RYR2: variants seen among roughly 807,000 people sequenced by gnomAD.
RYR2 encodes the protein cardiac muscle ryanodine receptor-calcium release channel.
Under a neutral mutation model 601.1 loss-of-function variants are expected in RYR2, and 227 were observed. The observed-to-expected ratio is 0.38, with a 90% CI of 0.34 to 0.42. RYR2 has a LOEUF of 0.42. Among genes scored for constraint, RYR2 ranks in the 10% least tolerant of loss-of-function variants. The pLI is 1.00. For missense variants in RYR2, 4,646 were observed against 6,156.5 expected, an observed-to-expected ratio of 0.75 and a Z score of 8.21; for synonymous variants, 2,223 against 2,175.1, an observed-to-expected ratio of 1.02 and a Z score of -0.61.
intron 1 of RYR2, among the ~76,000 whole-genome samples, chr1:237,151,108 A>T (rs967556039): frequency 6.6e-6 from 1 of 152,178 alleles, no homozygotes; most frequent in Non-Finnish European, 1.5e-5. Context: ...TGGTGCTGTT[A>T]GGAAAATAGT....
chr1:237,501,788 T>G (rs2150482823), intron 21 of RYR2, among the ~76,000 whole-genome samples: 1 of 152,334 alleles, frequency 6.6e-6, no homozygotes, highest in African/African-American at 2.4e-5. Flanking sequence ...ATTTTTATTT[T>G]TCCTCACTTT....
intron 66 of RYR2, 31 bp downstream of exon 66, chr1:237,702,090 A>G: frequency 8.4e-7 from 1 of 1,196,090 alleles, no homozygotes. Context: ...ACTTTGTATT[A>G]ATTGCTGCTT....
intron 1 of RYR2, among the ~76,000 whole-genome samples, chr1:237,150,499 T>C (rs1002934744): frequency 6.6e-6 from 1 of 152,130 alleles, no homozygotes. Flanking sequence ...GGAAAGCCCC[T>C]GAAGACAGAT....
intron 1 of RYR2, among the ~76,000 whole-genome samples, chr1:237,152,058 T>C (rs183889551): frequency 4.6e-5 from 7 of 152,126 alleles, no homozygotes; most frequent in Admixed American, 3.9e-4. Flanking sequence ...CCTGCGTCCA[T>C]GTGTTCTCAT....
intron 1 of RYR2, among the ~76,000 whole-genome samples, chr1:237,068,414 G>C (rs954224237): frequency 6.6e-6 from 1 of 152,164 alleles, no homozygotes; most frequent in Non-Finnish European, 1.5e-5. Flanking sequence ...AGTTGACATT[G>C]TTATGTTGCC....
chr1:237,108,737 C>T (rs1669066796), intron 1 of RYR2, among the ~76,000 whole-genome samples: 1 of 152,128 alleles, frequency 6.6e-6, no homozygotes, highest in African/African-American at 2.4e-5. Flanking sequence ...TTACACACCC[C>T]AGGTGATTTG....
chr1:237,623,705 C>A (rs1573179977), intron 38 of RYR2, 60 bp from the exon 39 acceptor site: 1 of 1,161,610 alleles, frequency 8.6e-7, no homozygotes, highest in Non-Finnish European at 1.3e-6. Flanking sequence ...CTGTGCCATT[C>A]TTGAATTCAC....
chr1:237,641,544 C>CT (rs552588946), intron 47 of RYR2, among the ~76,000 whole-genome samples: 1,483 of 121,942 alleles, frequency 0.012, 13 homozygotes, highest in Non-Finnish European at 0.019. Flanking sequence ...TCTTTTCTCT[C>CT]TTTTTTTTTT....
chr1:237,533,380 G>A (rs761949689), intron 25 of RYR2, among the ~76,000 whole-genome samples: 37 of 152,106 alleles, frequency 2.4e-4, no homozygotes, highest in Non-Finnish European at 2.5e-4. Context: ...ACATTTGCAC[G>A]TCTTGGTACC....
At chr1:237,575,161 G>A (rs1352386060) in intron 29 of RYR2, among the ~76,000 whole-genome samples, 3 of 152,162 alleles carry the variant, frequency 2.0e-5, no homozygotes, top group Non-Finnish European at 4.4e-5. Context: ...TTAGATGTAC[G>A]TATAATTCTC....
rs1401404503 is a variant in RYR2 at position 237,783,899 on chromosome 1, A to G, written c.12187A>G (p.Thr4063Ala). ...CCATAAGCACTACACGCAGTCAGAAACGGAATTTCTTTTGTCTTGTGCGGA... is the reference window on the plus strand; with the variant it reads ...CCATAAGCACTACACGCAGTCAGAAGCGGAATTTCTTTTGTCTTGTGCGGA... Reference protein sequence around the residue: ...ESHKHYTQSETEFLLSCAETD... With the variant: ...ESHKHYTQSEAEFLLSCAETD... Residue 4063 changes from threonine to alanine, a missense_variant, in exon 90 of 105, where the codon ACG becomes GCG. Thr to Ala is a moderately conservative substitution (Grantham distance 58). This residue lies in a region of RYR2 where 66 missense variants were observed against 80.7 expected (regional missense o/e 0.82). Coordinates refer to ENST00000366574, the MANE Select transcript of RYR2 (RefSeq NM_001035.3). 1.2e-6 allele frequency: 2 copies of G among 1,613,696 alleles called. No homozygotes were observed. The highest frequency in any genetic ancestry group is 1.7e-4 in the Middle Eastern group (1 of 6,060).
At position 237,680,425 on chromosome 1, in the gene RYR2, C is replaced by T. The variant is rs369628418; in HGVS notation, c.8896-31C>T. On this transcript the variant is annotated intron_variant, in intron 61 of 104. Transcript: ENST00000366574. ...ATTCATCCCCTGAAAGATTCCACTA[C>T]GTAGATCTGTCTTCTTTTCCTTTCT... The T allele has an allele frequency of 4.9e-4, 786 of 1,596,824 alleles. 1 individual carries two copies. The highest frequency in any genetic ancestry group is 4.5e-4 in the Non-Finnish European group (523 of 1,167,642).
rs564074050 is a variant in RYR2, at chr1:237,133,755, G to A, written c.48+91186G>A. Among the ~76,000 whole-genome samples the A allele has an allele frequency of 1.7e-4, 26 of 151,930 alleles. No individual in the cohort carries two copies. In the East Asian group the frequency reaches 3.5e-3, roughly 20 times the overall value. ...AGCCTGACCAACATGGTGAAACCCC[G>A]TCTCTACTAAAAATACAAAATTAGC... On this transcript the variant is annotated intron_variant, in intron 1 of 104. Coordinates refer to ENST00000366574, the MANE Select transcript of RYR2 (RefSeq NM_001035.3).
intron 46 of RYR2, among the ~76,000 whole-genome samples, chr1:237,639,887 A>G (rs780790154): frequency 3.3e-5 from 5 of 152,156 alleles, no homozygotes; most frequent in African/African-American, 1.2e-4. Context: ...AAGAAAAAAA[A>G]GAGTTAGAGG....
intron 1 of RYR2, among the ~76,000 whole-genome samples, chr1:237,168,925 G>T (rs1677023867): frequency 6.6e-6 from 1 of 152,052 alleles, no homozygotes; most frequent in African/African-American, 2.4e-5. Context: ...TATGGTTATT[G>T]GTGCTCTGTT....
intron 95 of RYR2, 122 bp downstream of exon 95, chr1:237,794,119 C>A: frequency 2.4e-6 from 2 of 817,944 alleles, no homozygotes; most frequent in Non-Finnish European, 3.8e-6. Context: ...ATATATTCAG[C>A]CAAGAAAAAT....
chr1:237,794,134 A>T (rs1658801138), intron 95 of RYR2, 137 bp downstream of exon 95: 10 of 721,372 alleles, frequency 1.4e-5, no homozygotes, highest in Non-Finnish European at 2.2e-5. Flanking sequence ...AAAAATCTAA[A>T]GACTCAGTGC....
intron 3 of RYR2, among the ~76,000 whole-genome samples, chr1:237,343,821 G>GT (rs201175386): frequency 0.029 from 3,780 of 131,420 alleles, 104 homozygotes; most frequent in African/African-American, 0.073. Context: ...GAGGTTTTTT[G>GT]TTTTTTTTTT....
intron 71 of RYR2, among the ~76,000 whole-genome samples, chr1:237,713,290 A>G (rs1441560597): frequency 6.6e-6 from 1 of 152,168 alleles, no homozygotes; most frequent in East Asian, 1.9e-4. Context: ...GTTTGCTCTT[A>G]TTTGCAAGAA....
Sources: gnomAD v4.1 joint callset for allele counts (sites outside exome capture counted in the v4.1 genomes callset) on GRCh38, gnomAD v4.1.1 for gene constraint, gnomAD v4.1.1 regional missense constraint, MANE v1.5 for transcripts, NCBI Gene and HGNC (gene_info 2026-07-23, HGNC 2026-07-21) for gene names.